TAB2: variants seen among roughly 807,000 people sequenced by gnomAD.
TAB2 encodes TGF-beta activated kinase 1 (MAP3K7) binding protein 2, also known as TGF-beta-activated kinase 1 and MAP3K7-binding protein 2.
In TAB2, 3 loss-of-function variants were observed where a neutral mutation model predicts 65.0. That is an observed-to-expected ratio of 0.05 (90% CI 0.02 to 0.12). The LOEUF (loss-of-function observed/expected upper bound fraction) is 0.12. TAB2 is among the 10% of genes least tolerant of loss of function. The probability of loss-of-function intolerance (pLI) is 1.00; values close to 1 mark genes in which losing one functional copy is unlikely to be tolerated. For synonymous variants in TAB2, 298 were observed against 285.1 expected (o/e 1.05, Z -0.46); for missense variants, 623 against 840.3 (o/e 0.74, Z 3.20).
chr6:149,378,258 G>A lies in TAB2; in HGVS notation c.343G>A (p.Gly115Ser). ...CATTAGTGATGGACAACTTCAAGGTGGCCAGTCCAATAGTGAACTATTTCA... is the reference window on the plus strand; with the variant it reads ...CATTAGTGATGGACAACTTCAAGGTAGCCAGTCCAATAGTGAACTATTTCA... ...HSISDGQLQGGQSNSELFQQE... is the reference protein window; with the variant it reads ...HSISDGQLQGSQSNSELFQQE... The change falls in exon 3 of 7, where the codon GGC becomes AGC. Residue 115 changes from glycine (G) to serine (S), a missense_variant. Transcript: ENST00000637181. 1 of 1,614,162 alleles carries A rather than the reference G, an allele frequency of 6.2e-7. No individual in the cohort carries two copies. The highest frequency in any genetic ancestry group is 2.2e-5 in the East Asian group (1 of 44,882).
chr6:149,377,070 AT>A (rs369685969), intron 2 of TAB2, among the ~76,000 whole-genome samples: 15,887 of 89,742 alleles, frequency 0.18, 1,117 homozygotes, highest in East Asian at 0.51. Flanking sequence ...AATGTAACTT[AT>A]TTTTTTTTTT....
intron 1 of TAB2, among the ~76,000 whole-genome samples, chr6:149,334,788 AAG>A (rs1399255978): frequency 1.3e-5 from 2 of 152,216 alleles, no homozygotes; most frequent in South Asian, 4.1e-4. Flanking sequence ...TGTGGTGGAA[AAG>A]AGAAATTTTT....
chr6:149,372,673 C>G (rs1298204848), intron 2 of TAB2, among the ~76,000 whole-genome samples: 1 of 152,118 alleles, frequency 6.6e-6, no homozygotes, highest in Non-Finnish European at 1.5e-5. Flanking sequence ...ACAGACCACA[C>G]TTTTTAAAAG....
In TAB2 at chr6:149,364,853, G is replaced by C. The variant is rs184615484; in HGVS notation, c.-89-5056G>C. Among the ~76,000 whole-genome samples, 366 of 151,570 alleles carry C rather than the reference G, an allele frequency of 2.4e-3. 2 individuals carry two copies. The highest frequency in any genetic ancestry group is 8.5e-3 in the African/African-American group (352 of 41,286). ...TTATAGTCCTAGAAACATCCACTAT[G>C]ATAAACTGCACTGAATATGAAGCAT... is the stretch of plus-strand genomic sequence containing the variant. On this transcript the variant is annotated intron_variant, in intron 1 of 6. Coordinates refer to ENST00000637181, the MANE Select transcript of TAB2 (RefSeq NM_001292034.3).
intron 1 of TAB2, among the ~76,000 whole-genome samples, chr6:149,219,926 T>G (rs2114619153): frequency 6.6e-6 from 1 of 152,366 alleles, no homozygotes; most frequent in Admixed American, 6.5e-5. Context: ...TTTGTTTATG[T>G]GGGTCAGATC....
intron 1 of TAB2, among the ~76,000 whole-genome samples, chr6:149,257,725 G>A (rs1353234979): frequency 6.6e-6 from 1 of 152,106 alleles, no homozygotes; most frequent in Admixed American, 6.5e-5. Context: ...ATCTCTGGGG[G>A]CAGAGTCTTG....
chr6:149,231,449 T>C (rs1399848055), intron 1 of TAB2, among the ~76,000 whole-genome samples: 1 of 152,246 alleles, frequency 6.6e-6, no homozygotes, highest in Non-Finnish European at 1.5e-5. Flanking sequence ...TAGGAAGCAA[T>C]CATTTGTTTA....
At chr6:149,365,542 G>GTT (rs1336043438) in intron 1 of TAB2, among the ~76,000 whole-genome samples, 1 of 151,960 alleles carries the variant, frequency 6.6e-6, no homozygotes, top group Non-Finnish European at 1.5e-5. Flanking sequence ...TTCTTTGGCT[G>GTT]TTTTCAAGAT....
intron 6 of TAB2, among the ~76,000 whole-genome samples, chr6:149,406,045 G>A (rs919415088): frequency 2.6e-5 from 4 of 152,196 alleles, no homozygotes; most frequent in African/African-American, 9.7e-5. Flanking sequence ...CCATAAAGTT[G>A]TGGGGGAAAC....
At chr6:149,356,497 A>T (rs1780656448) in intron 1 of TAB2, among the ~76,000 whole-genome samples, 1 of 152,234 alleles carries the variant, frequency 6.6e-6, no homozygotes, top group South Asian at 2.1e-4. Context: ...TCAAGGCACC[A>T]GCAGACTGAA....
In TAB2 at chr6:149,378,164, A is replaced by G. The variant is rs1258472542; in HGVS notation, c.249A>G (p.Gln83=). 2 of 1,614,078 alleles carry G rather than the reference A, an allele frequency of 1.2e-6. No individual in the cohort carries two copies. Among genetic ancestry groups the G allele is most frequent in the African/African-American group, 1.3e-5 (1 of 74,914 alleles). ...TGACTTCTCTCAACTTGGACTTGCA[A>G]TCACAGAACATTTACCACCATGGAA... ...NHMTSLNLDL[Q]SQNIYHHGRE... The change falls in exon 3 of 7, where the codon CAA becomes CAG. Residue 83 remains glutamine (Q), a synonymous_variant. Transcript: ENST00000637181.
intron 2 of TAB2, among the ~76,000 whole-genome samples, chr6:149,371,171 G>T (rs546547014): frequency 2.7e-5 from 4 of 150,184 alleles, no homozygotes; most frequent in African/African-American, 9.8e-5. Context: ...TATCAAATCT[G>T]TAATTTATAA....
rs528119261 is a variant in TAB2 at position 149,261,470 on chromosome 6, C to A, written c.-121+42694C>A. On this transcript the variant is annotated intron_variant, in intron 1 of 1. Transcript: ENST00000606202. ...CATGTGTTTTTCATAGCGTACTTCA[C>A]TTTATACCAATGATTCTAAGGTTTC... Among the ~76,000 whole-genome samples, 62 of 152,256 alleles carry A rather than the reference C, an allele frequency of 4.1e-4. 2 individuals are homozygous for A. The highest frequency in any genetic ancestry group is 2.2e-3 in the Admixed American group (34 of 15,300).
At chr6:149,232,080 C>T (rs2114633650) in intron 1 of TAB2, among the ~76,000 whole-genome samples, 1 of 152,232 alleles carries the variant, frequency 6.6e-6, no homozygotes, top group East Asian at 1.9e-4. Context: ...ACTCTGTGAA[C>T]TTACAGGACA....
At chr6:149,392,204 A>G (rs1371653220) in intron 3 of TAB2, among the ~76,000 whole-genome samples, 3 of 151,714 alleles carry the variant, frequency 2.0e-5, no homozygotes, top group Non-Finnish European at 4.4e-5. Flanking sequence ...GCAGTGACAC[A>G]ATATCAGTTC....
chr6:149,359,127 T>C (rs1780764275), intron 1 of TAB2, among the ~76,000 whole-genome samples: 1 of 152,204 alleles, frequency 6.6e-6, no homozygotes, highest in Admixed American at 6.5e-5. Flanking sequence ...TTAATGTTCC[T>C]GATCTTTACT....
At chr6:149,239,159 C>T (rs1341093378) in intron 1 of TAB2, among the ~76,000 whole-genome samples, 8 of 152,230 alleles carry the variant, frequency 5.3e-5, no homozygotes, top group Admixed American at 5.2e-4. Context: ...AGATACCACA[C>T]AGGCAGAGCA....
chr6:149,260,627 G>A (rs1778134080), intron 1 of TAB2, among the ~76,000 whole-genome samples: 1 of 152,192 alleles, frequency 6.6e-6, no homozygotes, highest in African/African-American at 2.4e-5. Context: ...AGCACGGTGG[G>A]CATGTTTCCA....
At chr6:149,300,092 T>G (rs754730256) in intron 1 of TAB2, among the ~76,000 whole-genome samples, 1 of 152,178 alleles carries the variant, frequency 6.6e-6, no homozygotes, top group Non-Finnish European at 1.5e-5. Context: ...TTTTGAAGAA[T>G]TTTTGTCTCT....
Sources: allele counts gnomAD v4.1 joint callset (sites outside exome capture counted in the v4.1 genomes callset), GRCh38; gene constraint gnomAD v4.1.1; transcripts MANE v1.5; gene names NCBI Gene and HGNC (gene_info 2026-07-23, HGNC 2026-07-21).